Variants in MRTFA observed in about 807,000 individuals in gnomAD.
The protein encoded by MRTFA is myocardin related transcription factor A.
Under a neutral mutation model 83.5 loss-of-function variants are expected in MRTFA, and 20 were observed. The ratio of observed to expected loss-of-function variants is 0.24; its 90% CI spans 0.17 to 0.35. The LOEUF (loss-of-function observed/expected upper bound fraction) is 0.35. Among genes scored for constraint, MRTFA ranks in the 10% least tolerant of loss-of-function variants. The pLI is 1.00. For synonymous variants in MRTFA, 659 were observed against 541.2 expected (o/e 1.22, Z -3.02); for missense variants, 1,200 against 1,224.7 (o/e 0.98, Z 0.30).
chr22:40,576,028 CTTTT>C (rs918851256), intron 2 of MRTFA, among the ~76,000 whole-genome samples: 2 of 131,386 alleles, frequency 1.5e-5, no homozygotes, highest in African/African-American at 2.8e-5. Context: ...ATGTAAATTT[CTTTT>C]TTTTTTTTTT....
rs2053512615 is a variant in MRTFA at position 40,452,515 on chromosome 22, G to A, written c.307+10706C>T. 2.0e-5 allele frequency among the ~76,000 whole-genome samples: 3 copies of A among 152,018 alleles called. 1 individual carries two copies. The South Asian group carries it at 6.2e-4, about 32-fold the overall frequency. On this transcript the variant is annotated intron_variant, in intron 4 of 14. Coordinates refer to ENST00000355630, the MANE Select transcript of MRTFA (RefSeq NM_020831.6). ...CTTTTTAGACATCAAACTGTAACAAGAACTCATATCAAAAAGACTACTTTC... is the reference window on the plus strand; with the variant it reads ...CTTTTTAGACATCAAACTGTAACAAAAACTCATATCAAAAAGACTACTTTC...
intron 1 of MRTFA, among the ~76,000 whole-genome samples, chr22:40,602,534 C>T (rs1372817010): frequency 6.6e-6 from 1 of 152,072 alleles, no homozygotes; most frequent in Non-Finnish European, 1.5e-5. Flanking sequence ...GAATCAAGGT[C>T]TTGCTCTCCT....
intron 1 of MRTFA, among the ~76,000 whole-genome samples, chr22:40,616,403 A>C (rs2056449627): frequency 1.3e-5 from 2 of 152,210 alleles, no homozygotes; most frequent in South Asian, 4.1e-4. Flanking sequence ...TTCAGTGTGG[A>C]GAATTGACTG....
chr22:40,419,232 C>T lies in MRTFA; in HGVS notation c.1506G>A (p.Lys502=), dbSNP rs755427068. 1 of 1,609,434 alleles carries T rather than the reference C, an allele frequency of 6.2e-7. No individual in the cohort carries two copies. The highest frequency in any genetic ancestry group is 8.5e-7 in the Non-Finnish European group (1 of 1,178,064). ...GGAAGGCTACCACCACCTCGCCAGC[C>T]TTGTGCAGGATAGAGGTGGCGGCAG... Residue 502 remains lysine (K), a synonymous_variant, in exon 12 of 15, where the codon AAG becomes AAA. Coordinates refer to ENST00000355630, the MANE Select transcript of MRTFA (RefSeq NM_020831.6).
At chr22:40,548,398 CAA>C (rs2055399050) in intron 3 of MRTFA, among the ~76,000 whole-genome samples, 1 of 138,334 alleles carries the variant, frequency 7.2e-6, no homozygotes, top group Non-Finnish European at 1.6e-5. Flanking sequence ...CTGGGAAAAC[CAA>C]AAGAGGGGCA....
In MRTFA at chr22:40,410,777, G is replaced by A. The variant is rs532216932; in HGVS notation, c.*613C>T. ...AGGGAGTTGCACCCATCTCCTGTCC[G>A]CCCCCCCCCAAAAATATATATGTAT... On this transcript the variant is annotated 3_prime_UTR_variant, in exon 15 of 15. Coordinates refer to ENST00000355630, the MANE Select transcript of MRTFA (RefSeq NM_020831.6). 67 of 228,936 alleles carry A rather than the reference G, an allele frequency of 2.9e-4. No individual in the cohort carries two copies. In the South Asian group the frequency reaches 5.7e-3, roughly 20 times the overall value. The allele number at this position is 228,936 out of a possible 1,614,324, so 14.2% of individuals were successfully genotyped here.
intron 2 of MRTFA, among the ~76,000 whole-genome samples, chr22:40,583,611 C>G (rs140312688): frequency 6.6e-6 from 1 of 152,178 alleles, no homozygotes; most frequent in East Asian, 1.9e-4. Context: ...GCAACTATTA[C>G]GGCCTGAGCT....
chr22:40,571,691 A>G (rs12160047), intron 2 of MRTFA, among the ~76,000 whole-genome samples: 15,187 of 151,788 alleles, frequency 0.1, 900 homozygotes, highest in East Asian at 0.25. Context: ...GGCCGAGGTA[A>G]GTCGATCACG....
intron 4 of MRTFA, among the ~76,000 whole-genome samples, chr22:40,449,391 T>C (rs1316485691): frequency 6.6e-6 from 1 of 152,134 alleles, no homozygotes; most frequent in East Asian, 1.9e-4. Context: ...AAAAATATTC[T>C]GTGCCACACT....
intron 14 of MRTFA, among the ~76,000 whole-genome samples, chr22:40,413,617 T>C (rs1356744296): frequency 6.6e-6 from 1 of 151,762 alleles, no homozygotes; most frequent in Non-Finnish European, 1.5e-5. Context: ...AAATTTTTTG[T>C]ATTTTTTAGT....
chr22:40,512,620 G>C (rs1408426744), intron 3 of MRTFA, among the ~76,000 whole-genome samples: 1 of 152,214 alleles, frequency 6.6e-6, no homozygotes, highest in Non-Finnish European at 1.5e-5. Flanking sequence ...TCATTCCTTT[G>C]GGATATGTCA....
intron 3 of MRTFA, among the ~76,000 whole-genome samples, chr22:40,525,696 CAGTT>C (rs1420086461): frequency 6.6e-6 from 1 of 152,146 alleles, no homozygotes; most frequent in Non-Finnish European, 1.5e-5. Context: ...AGTGCCTCTT[CAGTT>C]AGGGCACGCT....
At position 40,520,579 on chromosome 22, in the gene MRTFA, T is replaced by C. The variant is rs528131919; in HGVS notation, c.241+31527A>G. On this transcript the variant is annotated intron_variant, in intron 3 of 14. Transcript: ENST00000355630. ...ATGCCACCAGCCTGGCTAATTTTTCTGTATTTTTAGTAGACATAGGTTTCG... is the reference window on the plus strand; with the variant it reads ...ATGCCACCAGCCTGGCTAATTTTTCCGTATTTTTAGTAGACATAGGTTTCG... Among the ~76,000 whole-genome samples, 10 of 152,218 alleles carry C rather than the reference T, an allele frequency of 6.6e-5. No homozygotes were observed. The East Asian group carries it at 1.7e-3, about 26-fold the overall frequency.
chr22:40,512,258 T>G (rs921022988), intron 3 of MRTFA, among the ~76,000 whole-genome samples: 5 of 152,200 alleles, frequency 3.3e-5, no homozygotes, highest in African/African-American at 1.2e-4. Flanking sequence ...CAGGTGCTCA[T>G]CAAAAGGAGA....
intron 2 of MRTFA, 106 bp downstream of exon 2, chr22:40,594,568 C>T (rs2056164675): frequency 1.3e-5 from 2 of 151,748 alleles, no homozygotes; most frequent in Non-Finnish European, 1.5e-5. Flanking sequence ...ATAATGTTTC[C>T]CCAAACAATA....
chr22:40,430,124 T>A (rs1360963039), intron 6 of MRTFA, among the ~76,000 whole-genome samples: 1 of 152,206 alleles, frequency 6.6e-6, no homozygotes, highest in Non-Finnish European at 1.5e-5. Flanking sequence ...CTCTGGTTTT[T>A]AGTGCCTTTG....
chr22:40,473,711 A>G (rs1445096470), intron 3 of MRTFA, among the ~76,000 whole-genome samples: 2 of 152,212 alleles, frequency 1.3e-5, no homozygotes, highest in African/African-American at 4.8e-5. Flanking sequence ...CCTTAAGTGA[A>G]GCTCAGCATG....
At chr22:40,505,046 A>G (rs1030998278) in intron 3 of MRTFA, among the ~76,000 whole-genome samples, 5 of 152,206 alleles carry the variant, frequency 3.3e-5, no homozygotes, top group Non-Finnish European at 7.4e-5. Flanking sequence ...TTTTGGCCAC[A>G]AAATAAAACA....
chr22:40,537,184 A>T (rs1222994479), intron 3 of MRTFA, among the ~76,000 whole-genome samples: 2 of 22,386 alleles, frequency 8.9e-5, no homozygotes, highest in Non-Finnish European at 1.7e-4. Flanking sequence ...GGCCGCCCCT[A>T]CTGGGAAGTG....
Sources: gnomAD v4.1 joint callset for allele counts (sites outside exome capture counted in the v4.1 genomes callset) on GRCh38, gnomAD v4.1.1 for gene constraint, MANE v1.5 for transcripts, NCBI Gene and HGNC (gene_info 2026-07-23, HGNC 2026-07-21) for gene names.